The following AQR variants were observed in gnomAD, a reference collection of about 807,000 sequenced individuals.
AQR encodes RNA helicase aquarius.
A neutral mutation model predicts 180.5 loss-of-function variants in AQR; 61 were observed. The observed-to-expected ratio is 0.34, with a 90% confidence interval of 0.28 to 0.42. AQR has a LOEUF of 0.42. Among genes scored for constraint, AQR ranks in the 10% least tolerant of loss-of-function variants. AQR has a pLI of 1.00. For missense variants in AQR, 1,281 were observed against 1,798.3 expected, an observed-to-expected ratio of 0.71 and a Z score of 5.20; for synonymous variants, 551 against 588.8, an observed-to-expected ratio of 0.94 and a Z score of 0.93.
chr15:34,866,687 T>C (rs1892742015), intron 32 of AQR, among the ~76,000 whole-genome samples: 1 of 152,184 alleles, frequency 6.6e-6, no homozygotes. Flanking sequence ...TAAATCTCAA[T>C]GAGAAGAAGG....
chr15:34,927,199 C>T, intron 12 of AQR, 61 bp from the exon 13 acceptor site: 1 of 937,172 alleles, frequency 1.1e-6, no homozygotes, highest in Admixed American at 3.1e-5. Context: ...TAAACATCTA[C>T]TATTTAAGAA....
chr15:34,945,054 T>C (rs1476005733), intron 5 of AQR, among the ~76,000 whole-genome samples: 1 of 152,216 alleles, frequency 6.6e-6, no homozygotes, highest in Non-Finnish European at 1.5e-5. Flanking sequence ...TTTCACCATA[T>C]TGAAGGCTCT....
chr15:34,945,076 C>T (rs1445117477), intron 5 of AQR, among the ~76,000 whole-genome samples: 1 of 152,176 alleles, frequency 6.6e-6, no homozygotes, highest in Non-Finnish European at 1.5e-5. Context: ...CTTCTTTTGC[C>T]TGTTATCTAA....
chr15:34,914,129 G>A (rs1210825678), intron 16 of AQR, among the ~76,000 whole-genome samples: 2 of 152,178 alleles, frequency 1.3e-5, no homozygotes, highest in East Asian at 1.9e-4. Flanking sequence ...CAGTATAATC[G>A]TGTATGTATA....
chr15:34,893,609 A>G (rs911864989), intron 23 of AQR, 54 bp downstream of exon 23: 52 of 403,058 alleles, frequency 1.3e-4, no homozygotes, highest in East Asian at 2.2e-4. Context: ...GCATGCGTGC[A>G]CACACACACA....
chr15:34,961,059 C>T lies in AQR; in HGVS notation c.133-245G>A, dbSNP rs1389084380. 2.0e-5 allele frequency among the ~76,000 whole-genome samples: 3 copies of T among 151,970 alleles called. No individual in the cohort carries two copies. In the East Asian group the frequency reaches 5.8e-4, roughly 29 times the overall value. Reference sequence around the variant, plus strand: ...GCCCTAGATTCATTAAAATGATGTGCTTATAAAGATTTTTAGGGAAAATAA... The same window carrying T: ...GCCCTAGATTCATTAAAATGATGTGTTTATAAAGATTTTTAGGGAAAATAA... On this transcript the variant is annotated intron_variant, in intron 2 of 34. Transcript: ENST00000156471.
intron 8 of AQR, among the ~76,000 whole-genome samples, chr15:34,939,099 C>T (rs1893986653): frequency 6.6e-6 from 1 of 152,046 alleles, no homozygotes; most frequent in Non-Finnish European, 1.5e-5. Context: ...GGTGGAATCT[C>T]GCTCTGTTGC....
At chr15:34,869,827 A>G (rs929501985) in intron 31 of AQR, 15 of 152,082 alleles carry the variant, frequency 9.9e-5, no homozygotes, top group African/African-American at 3.4e-4. Flanking sequence ...TTCCTCAAAG[A>G]TATGGTTACT....
chr15:34,934,782 T>A, intron 9 of AQR, 147 bp from the exon 10 acceptor site: 1 of 475,478 alleles, frequency 2.1e-6, no homozygotes, highest in Non-Finnish European at 3.7e-6. Flanking sequence ...AATGAGGATC[T>A]CACATATATA....
At chr15:34,885,127 C>T (rs1312256195) in intron 25 of AQR, among the ~76,000 whole-genome samples, 2 of 152,170 alleles carry the variant, frequency 1.3e-5, no homozygotes, top group African/African-American at 2.4e-5. Context: ...CTCTGTTTCT[C>T]TCCATATATG....
intron 15 of AQR, among the ~76,000 whole-genome samples, chr15:34,915,895 A>C (rs1022612216): frequency 6.6e-6 from 1 of 151,928 alleles, no homozygotes; most frequent in Non-Finnish European, 1.5e-5. Context: ...GCAGGAAGCC[A>C]AGATCATGTC....
chr15:34,894,388 A>G (rs1300628455), intron 22 of AQR, among the ~76,000 whole-genome samples: 1 of 152,194 alleles, frequency 6.6e-6, no homozygotes, highest in Non-Finnish European at 1.5e-5. Context: ...TCAACCCACA[A>G]TTCTATCTCC....
intron 29 of AQR, chr15:34,874,414 A>G (rs542861365): frequency 9.1e-5 from 39 of 428,672 alleles, no homozygotes; most frequent in Non-Finnish European, 1.6e-4. Flanking sequence ...TGGGGACATG[A>G]AGAAAGGAGA....
At chr15:34,885,147 G>C (rs1893040560) in intron 25 of AQR, among the ~76,000 whole-genome samples, 1 of 152,126 alleles carries the variant, frequency 6.6e-6, no homozygotes, top group African/African-American at 2.4e-5. Context: ...GGTAAGTTCA[G>C]CTTTAGCAGC....
At chr15:34,878,527 GATT>G (rs1892921221) in intron 27 of AQR, among the ~76,000 whole-genome samples, 1 of 151,626 alleles carries the variant, frequency 6.6e-6, no homozygotes, top group Non-Finnish European at 1.5e-5. Flanking sequence ...AACAAATGAT[GATT>G]ATTATCATTG....
rs1005468076 is a variant in AQR, at chr15:34,874,229, G to A, written c.3426-230C>T. On this transcript the variant is annotated intron_variant, in intron 29 of 34. Transcript: ENST00000156471. ...AAATGAGAGTTCTATTACGCTCTCT[G>A]AGGTCAATGCTATCTTTATCCCTTA... 1.2e-5 allele frequency: 5 copies of A among 410,080 alleles called. No individual in the cohort carries two copies. The Admixed American group carries it at 1.2e-4, about 10-fold the overall frequency. The allele number at this position is 410,080 out of a possible 1,614,324, so 25.4% of individuals were successfully genotyped here.
At chr15:34,876,413 T>C (rs1300929324) in intron 27 of AQR, among the ~76,000 whole-genome samples, 1 of 152,260 alleles carries the variant, frequency 6.6e-6, no homozygotes, top group East Asian at 1.9e-4. Flanking sequence ...ATAATTTTTT[T>C]TCCTATATGA....
At chr15:34,871,408 G>A (rs1892814414) in intron 30 of AQR, among the ~76,000 whole-genome samples, 2 of 151,456 alleles carry the variant, frequency 1.3e-5, no homozygotes, top group African/African-American at 4.9e-5. Context: ...TCTGGAGACT[G>A]AGGTGGGGGG....
intron 7 of AQR, among the ~76,000 whole-genome samples, chr15:34,941,260 T>TA (rs905455971): frequency 6.6e-6 from 1 of 152,290 alleles, no homozygotes; most frequent in Non-Finnish European, 1.5e-5. Flanking sequence ...TTTCAAAACT[T>TA]AAAGAGCTAA....
Sources: allele counts gnomAD v4.1 joint callset (sites outside exome capture counted in the v4.1 genomes callset), GRCh38; gene constraint gnomAD v4.1.1; transcripts MANE v1.5; gene names NCBI Gene and HGNC (gene_info 2026-07-23, HGNC 2026-07-21).